NEK1: variants seen among roughly 807,000 people sequenced by gnomAD.
The protein encoded by NEK1 is NIMA related kinase 1.
NEK1 carries 137 observed loss-of-function variants against 182.1 expected under a neutral mutation model. The ratio of observed to expected loss-of-function variants is 0.75; its 90% CI spans 0.65 to 0.87. NEK1 has a LOEUF of 0.87. NEK1 is among the 40% of genes least tolerant of loss of function. NEK1 has a pLI of 0.00. For missense variants in NEK1, 1,391 were observed against 1,494.4 expected, an observed-to-expected ratio of 0.93 and a Z score of 1.14; for synonymous variants, 513 against 492.2, an observed-to-expected ratio of 1.04 and a Z score of -0.56.
chr4:169,554,577 C>T (rs1430428802), intron 18 of NEK1: 2 of 152,054 alleles, frequency 1.3e-5, no homozygotes, highest in Admixed American at 1.3e-4. Context: ...AGGCCACATA[C>T]TATATGATTC....
chr4:169,493,255 T>C (rs1271899404), intron 23 of NEK1, among the ~76,000 whole-genome samples: 1 of 151,998 alleles, frequency 6.6e-6, no homozygotes, highest in Non-Finnish European at 1.5e-5. Context: ...ATACACAACA[T>C]ACATCACAGT....
chr4:169,450,208 G>A (rs1741437305), intron 27 of NEK1, among the ~76,000 whole-genome samples: 1 of 152,214 alleles, frequency 6.6e-6, no homozygotes, highest in African/African-American at 2.4e-5. Flanking sequence ...TCTGATTGGT[G>A]TACCTGAAAG....
At chr4:169,402,839 G>A (rs931748420) in intron 32 of NEK1, among the ~76,000 whole-genome samples, 2 of 152,034 alleles carry the variant, frequency 1.3e-5, no homozygotes, top group Non-Finnish European at 2.9e-5. Context: ...TTCCTCTTAT[G>A]ATTTGCTTCT....
At position 169,463,227 on chromosome 4, in the gene NEK1, A is replaced by G; in HGVS notation, c.2587+16T>C. 2.1e-6 allele frequency: 3 copies of G among 1,408,192 alleles called. No homozygotes were observed. In the Admixed American group the frequency reaches 7.4e-5, roughly 35 times the overall value. 87.2% of individuals were successfully genotyped at this position (1,408,192 alleles called of 1,614,324 possible). On this transcript the variant is annotated intron_variant, in intron 27 of 35. Transcript: ENST00000507142. ...ATATTACTTCTAGTATAGAAAAACT[A>G]CCAGTTTCTCCTTACCACTTCTAAT...
At chr4:169,610,735 ATACT>A (rs1456864695) in intron 2 of NEK1, among the ~76,000 whole-genome samples, 5 of 152,240 alleles carry the variant, frequency 3.3e-5, no homozygotes, top group Non-Finnish European at 7.3e-5. Context: ...TCTGGAACAC[ATACT>A]TAGGTTAAGC....
At chr4:169,436,758 G>T (rs1738487894) in intron 28 of NEK1, among the ~76,000 whole-genome samples, 1 of 152,228 alleles carries the variant, frequency 6.6e-6, no homozygotes, top group Non-Finnish European at 1.5e-5. Flanking sequence ...AGTCAAGGTT[G>T]TGCACATAAG....
chr4:169,434,984 T>C (rs1738129988), intron 28 of NEK1, among the ~76,000 whole-genome samples: 1 of 152,260 alleles, frequency 6.6e-6, no homozygotes, highest in Admixed American at 6.5e-5. Flanking sequence ...TATCAACTCC[T>C]GCACTAGGCT....
intron 35 of NEK1, among the ~76,000 whole-genome samples, chr4:169,397,619 A>T (rs889133590): frequency 5.3e-5 from 8 of 152,190 alleles, no homozygotes; most frequent in African/African-American, 1.4e-4. Flanking sequence ...TATGATACAG[A>T]ACTCTGGGGT....
rs1434235298 is a variant in NEK1, at chr4:169,424,938, TC to T, written c.2975-139del. 9 of 770,954 alleles carry T rather than the reference TC, an allele frequency of 1.2e-5. 1 individual carries two copies. Among genetic ancestry groups the T allele is most frequent in the Admixed American group, 2.8e-5 (1 of 35,746 alleles). The allele number at this position is 770,954 out of a possible 1,614,324, so 47.8% of individuals were successfully genotyped here. A position where few individuals can be genotyped will look rare whatever the true frequency, so the allele number is the denominator to read the frequency against. On this transcript the variant is annotated intron_variant, in intron 30 of 35. Transcript: ENST00000507142. ...GGAAAATAAAATCAAAATATGTGTG[TC>T]AGTATATTACCTTCTGAATAATCTT...
At chr4:169,550,971 C>G (rs1302514731) in intron 18 of NEK1, among the ~76,000 whole-genome samples, 2 of 152,138 alleles carry the variant, frequency 1.3e-5, no homozygotes, top group Non-Finnish European at 2.9e-5. Flanking sequence ...TACATTTTAG[C>G]AAGTAGGTAA....
chr4:169,481,353 G>C (rs1295420622), intron 23 of NEK1, among the ~76,000 whole-genome samples: 1 of 152,140 alleles, frequency 6.6e-6, no homozygotes, highest in Non-Finnish European at 1.5e-5. Flanking sequence ...TTTTTAGAAG[G>C]CTTTCAATTT....
intron 19 of NEK1, among the ~76,000 whole-genome samples, chr4:169,513,402 T>C (rs373141476): frequency 2.0e-5 from 3 of 152,202 alleles, no homozygotes; most frequent in African/African-American, 4.8e-5. Context: ...ATAAATTCAA[T>C]TGATTTTTGT....
chr4:169,576,906 A>G (rs376487886), intron 12 of NEK1, 22 bp downstream of exon 12: 20 of 1,569,538 alleles, frequency 1.3e-5, no homozygotes, highest in Non-Finnish European at 1.7e-5. Context: ...TTATTAACAC[A>G]TGGTATGTAA....
At chr4:169,437,881 T>C (rs995596444) in intron 28 of NEK1, among the ~76,000 whole-genome samples, 5 of 152,152 alleles carry the variant, frequency 3.3e-5, no homozygotes, top group African/African-American at 1.2e-4. Context: ...TATGAAACGG[T>C]TGGTGTTTCA....
chr4:169,426,182 A>G lies in NEK1; in HGVS notation c.2938T>C (p.Ser980Pro). 2 of 1,613,806 alleles carry G rather than the reference A, an allele frequency of 1.2e-6. No individual in the cohort carries two copies. Among genetic ancestry groups the G allele is most frequent in the Non-Finnish European group, 1.7e-6 (2 of 1,179,812 alleles). Residue 980 changes from serine to proline, a missense_variant, in exon 30 of 36, where the codon TCG becomes CCG. Ser to Pro is a moderately conservative substitution (Grantham distance 74, BLOSUM62 -1). Transcript: ENST00000507142. ...TCACTAAGTTGGTCCACAGTACTCG[A>G]GACTCCATCTTCAGAAACTTCATTT... ...QENEVSEDGV[S>P]STVDQLSDIH...
Position 169,588,753 on chromosome 4 carries a change from T to C in NEK1, c.465-18A>G. 6.8e-7 allele frequency: 1 copy of C among 1,467,788 alleles called. No individual in the cohort carries two copies. The highest frequency in any genetic ancestry group is 9.3e-7 in the Non-Finnish European group (1 of 1,070,752). The allele number at this position is 1,467,788 out of a possible 1,614,324, so 90.9% of individuals were successfully genotyped here. ...CTACAGTACTAGAAGAAAAATAAAA[T>C]TATTGGAGAAGTTAAAGACACAGTC... is the stretch of plus-strand genomic sequence containing the variant. On this transcript the variant is annotated intron_variant, in intron 7 of 35. Transcript: ENST00000507142.
intron 26 of NEK1, 25 bp from the exon 27 acceptor site, chr4:169,463,420 C>A (rs1198081065): frequency 1.3e-6 from 2 of 1,545,952 alleles, no homozygotes; most frequent in Non-Finnish European, 1.8e-6. Context: ...TACAAAGAAA[C>A]AATTTTCAAT....
chr4:169,453,872 T>C (rs1742327312), intron 27 of NEK1, among the ~76,000 whole-genome samples: 1 of 152,200 alleles, frequency 6.6e-6, no homozygotes, highest in Non-Finnish European at 1.5e-5. Flanking sequence ...TTCCTGTGTG[T>C]GTCTTTAATT....
chr4:169,538,805 T>C (rs2149817325), intron 18 of NEK1, among the ~76,000 whole-genome samples: 1 of 152,306 alleles, frequency 6.6e-6, no homozygotes, highest in East Asian at 1.9e-4. Flanking sequence ...AATTATGTCC[T>C]GAAAATTACA....
Sources: gnomAD v4.1 joint callset for allele counts (sites outside exome capture counted in the v4.1 genomes callset) on GRCh38, gnomAD v4.1.1 for gene constraint, MANE v1.5 for transcripts, NCBI Gene and HGNC (gene_info 2026-07-23, HGNC 2026-07-21) for gene names.